The following OARD1 variants were observed in gnomAD, a reference collection of about 807,000 sequenced individuals.
The protein encoded by OARD1 is ADP-ribose glycohydrolase OARD1.
In OARD1, 19 loss-of-function variants were observed where a neutral mutation model predicts 19.7. That is an observed-to-expected ratio of 0.96 (90% CI 0.67 to 1.41). The LOEUF (loss-of-function observed/expected upper bound fraction) is 1.41, where lower values mean the gene tolerates loss of function less well. Ranked by LOEUF, OARD1 falls within the 40% of genes most tolerant of loss-of-function variation. The pLI is 0.00. For missense variants in OARD1, 190 were observed against 183.8 expected (o/e 1.03, Z -0.20); for synonymous variants, 70 against 61.8 (o/e 1.13, Z -0.62).
chr6:41,093,739 G>A (rs953146607), intron 1 of OARD1, among the ~76,000 whole-genome samples: 5 of 152,190 alleles, frequency 3.3e-5, no homozygotes, highest in Non-Finnish European at 2.9e-5. Flanking sequence ...CCAAAGTGCC[G>A]GGATTATAGG....
At chr6:41,086,318 T>C (rs189306303) in intron 1 of OARD1, among the ~76,000 whole-genome samples, 1 of 152,304 alleles carries the variant, frequency 6.6e-6, no homozygotes, top group Non-Finnish European at 1.5e-5. Flanking sequence ...ATATCTAGGG[T>C]TCATTCTAGC....
At chr6:41,071,981 G>A (rs759795719) in intron 1 of OARD1, 2 of 343,916 alleles carry the variant, frequency 5.8e-6, no homozygotes, top group Non-Finnish European at 1.1e-5. Flanking sequence ...GAGCAAGGCC[G>A]ATTTAGGACG....
At chr6:41,082,219 T>G (rs1250533013) in intron 1 of OARD1, among the ~76,000 whole-genome samples, 1 of 152,218 alleles carries the variant, frequency 6.6e-6, no homozygotes, top group Non-Finnish European at 1.5e-5. Flanking sequence ...TTGGTAATGA[T>G]GTACAGCCAA....
intron 3 of OARD1, among the ~76,000 whole-genome samples, chr6:41,070,608 T>C (rs895551496): frequency 2.0e-5 from 3 of 152,344 alleles, no homozygotes; most frequent in Admixed American, 6.5e-5. Flanking sequence ...CAAATAACTA[T>C]AATACAAAGC....
upstream of OARD1, among the ~76,000 whole-genome samples, chr6:41,073,868 C>T (rs1582016266): frequency 6.6e-6 from 1 of 152,226 alleles, no homozygotes. Flanking sequence ...CTCTCTTCCC[C>T]GCCCCGTTCG....
chr6:41,073,770 C>T (rs1763629371), upstream of OARD1, among the ~76,000 whole-genome samples: 1 of 152,112 alleles, frequency 6.6e-6, no homozygotes, highest in South Asian at 2.1e-4. Flanking sequence ...TCGCCCACTC[C>T]CCCTGCTCCG....
At chr6:41,074,232 C>A (rs1763662334), upstream of OARD1, among the ~76,000 whole-genome samples, 1 of 152,168 alleles carries the variant, frequency 6.6e-6, no homozygotes, top group Admixed American at 6.5e-5. Flanking sequence ...AACGTTTTCT[C>A]AGCAGATGTT....
chr6:41,080,893 A>G, intron 1 of OARD1: 1 of 1,613,360 alleles, frequency 6.2e-7, no homozygotes, highest in Non-Finnish European at 8.5e-7. Flanking sequence ...CAGACCCTCC[A>G]GGTAGTGGTA....
At chr6:41,074,072 T>A (rs1165179917), upstream of OARD1, among the ~76,000 whole-genome samples, 2 of 152,232 alleles carry the variant, frequency 1.3e-5, no homozygotes, top group Non-Finnish European at 2.9e-5. Flanking sequence ...TTTTGTGAAA[T>A]CTCCCTCCCT....
chr6:41,071,306 T>C, intron 2 of OARD1, 30 bp from the exon 3 acceptor site: 1 of 1,602,816 alleles, frequency 6.2e-7, no homozygotes, highest in Non-Finnish European at 8.5e-7. Context: ...AAAGACAATG[T>C]TTTATTAGAT....
chr6:41,070,816 A>G, intron 3 of OARD1: 1 of 539,068 alleles, frequency 1.9e-6, no homozygotes, highest in Non-Finnish European at 3.2e-6. Flanking sequence ...TTGAAGAGAA[A>G]GCAGAATATT....
chr6:41,075,007 C>T (rs1015117539), upstream of OARD1, among the ~76,000 whole-genome samples: 1 of 151,454 alleles, frequency 6.6e-6, no homozygotes, highest in Non-Finnish European at 1.5e-5. Flanking sequence ...AACTCGTATT[C>T]CAGTGCTCTT....
intron 1 of OARD1, chr6:41,080,938 TCTC>T (rs753673350): frequency 1.6e-4 from 239 of 1,478,680 alleles, no homozygotes; most frequent in Non-Finnish European, 2.1e-4. Flanking sequence ...TGCATGAACT[TCTC>T]CTCTCCTCAT....
chr6:41,078,348 A>G (rs1227823073), intron 1 of OARD1, among the ~76,000 whole-genome samples: 3 of 152,316 alleles, frequency 2.0e-5, no homozygotes, highest in Non-Finnish European at 2.9e-5. Flanking sequence ...CAGTTAGGTC[A>G]CGTCATTTTA....
At position 41,089,521 on chromosome 6, in the gene OARD1, G is replaced by T. The variant is rs1764140998; in HGVS notation, c.-42+8192C>A. ...TAGAGAAATGTGGATAACTCTCGGG[G>T]ACCAAAGGAGACCAGTGTCAGTAGA... is the stretch of plus-strand genomic sequence containing the variant. On this transcript the variant is annotated intron_variant, in intron 1 of 4. Transcript: ENST00000480585. 4 of 1,483,408 alleles carry T rather than the reference G, an allele frequency of 2.7e-6. No homozygotes were observed. In the South Asian group the frequency reaches 4.1e-5, roughly 15 times the overall value. 91.9% of individuals were successfully genotyped at this position (1,483,408 alleles called of 1,614,324 possible).
intron 1 of OARD1, among the ~76,000 whole-genome samples, chr6:41,081,187 A>G (rs1475131982): frequency 2.0e-5 from 3 of 152,218 alleles, no homozygotes; most frequent in Non-Finnish European, 4.4e-5. Flanking sequence ...TATAAGTGAC[A>G]TTAGAATTTA....
At chr6:41,072,131 G>A (rs907413612) in intron 1 of OARD1, 105 bp downstream of exon 1, 2 of 155,276 alleles carry the variant, frequency 1.3e-5, no homozygotes, top group African/African-American at 2.4e-5. Context: ...CCCAGGCGTG[G>A]GGAAAGGAAG....
At chr6:41,090,024 C>T (rs563080509) in intron 1 of OARD1, among the ~76,000 whole-genome samples, 3 of 152,194 alleles carry the variant, frequency 2.0e-5, no homozygotes, top group South Asian at 2.1e-4. Flanking sequence ...GGCAGAGAAT[C>T]GCTTGAACCC....
intron 1 of OARD1, chr6:41,071,977 G>A: frequency 2.9e-6 from 1 of 350,456 alleles, no homozygotes; most frequent in African/African-American, 2.0e-5. Context: ...TCCGGAGCAA[G>A]GCCGATTTAG....
Sources: allele counts gnomAD v4.1 joint callset (sites outside exome capture counted in the v4.1 genomes callset), GRCh38; gene constraint gnomAD v4.1.1; transcripts MANE v1.5; gene names NCBI Gene and HGNC (gene_info 2026-07-23, HGNC 2026-07-21).